The following NEK11 variants were observed in gnomAD, a reference collection of about 807,000 sequenced individuals.
NEK11 encodes the protein serine/threonine-protein kinase Nek11.
A neutral mutation model predicts 80.7 loss-of-function variants in NEK11; 72 were observed. The ratio of observed to expected loss-of-function variants is 0.89; its 90% confidence interval spans 0.74 to 1.08. The LOEUF is 1.08. Ranked by LOEUF, NEK11 falls within the 50% of genes least tolerant of loss-of-function variation. NEK11 has a pLI of 0.00. For missense variants in NEK11, 764 were observed against 763.6 expected (o/e 1.00, Z -0.01); for synonymous variants, 251 against 260.7 (o/e 0.96, Z 0.36).
intron 4 of NEK11, among the ~76,000 whole-genome samples, chr3:131,086,633 T>C (rs2076012476): frequency 1.3e-5 from 2 of 152,198 alleles, no homozygotes; most frequent in South Asian, 4.1e-4. Flanking sequence ...ATTAATTCCA[T>C]TTTACAGATG....
At chr3:131,335,724 G>C (rs1016452940) in intron 17 of NEK11, among the ~76,000 whole-genome samples, 2 of 152,176 alleles carry the variant, frequency 1.3e-5, no homozygotes, top group African/African-American at 4.8e-5. Context: ...AAACCCCACT[G>C]TCTCAGCCCA....
At chr3:131,042,054 A>G (rs553911531) in intron 3 of NEK11, among the ~76,000 whole-genome samples, 20 of 152,282 alleles carry the variant, frequency 1.3e-4, no homozygotes, top group Non-Finnish European at 2.5e-4. Context: ...TGCCATGAGG[A>G]ACAGTGCATT....
chr3:131,321,161 C>G (rs2096893513), intron 17 of NEK11, among the ~76,000 whole-genome samples: 1 of 152,078 alleles, frequency 6.6e-6, no homozygotes, highest in African/African-American at 2.4e-5. Context: ...GACACATAGA[C>G]CAATGGAACA....
At chr3:131,270,207 C>T (rs2096152769) in intron 16 of NEK11, among the ~76,000 whole-genome samples, 1 of 152,162 alleles carries the variant, frequency 6.6e-6, no homozygotes, top group Admixed American at 6.5e-5. Flanking sequence ...AATACAGACC[C>T]CCCAAAAAAC....
At chr3:131,247,731 C>T (rs551271265) in intron 16 of NEK11, among the ~76,000 whole-genome samples, 15 of 151,868 alleles carry the variant, frequency 9.9e-5, no homozygotes, top group East Asian at 1.9e-4. Flanking sequence ...CATCCATGAG[C>T]GTGGGATGTG....
At chr3:131,186,189 T>C (rs1226419496) in intron 14 of NEK11, among the ~76,000 whole-genome samples, 2 of 152,222 alleles carry the variant, frequency 1.3e-5, no homozygotes, top group African/African-American at 2.4e-5. Flanking sequence ...GGAAACCTTA[T>C]AATTTTAGCC....
At chr3:131,183,009 G>A (rs2093433893) in intron 14 of NEK11, among the ~76,000 whole-genome samples, 1 of 152,104 alleles carries the variant, frequency 6.6e-6, no homozygotes, top group African/African-American at 2.4e-5. Context: ...ATGAGCATAT[G>A]GTGTCTAGTC....
At chr3:131,044,500 C>G (rs1351727969) in intron 3 of NEK11, among the ~76,000 whole-genome samples, 1 of 141,088 alleles carries the variant, frequency 7.1e-6, no homozygotes, top group African/African-American at 2.6e-5. Context: ...AGACTTTAAA[C>G]CAACAAAGAT....
At chr3:131,274,632 C>CTTTTTTTTTTTTTTTT (rs756861338) in intron 17 of NEK11, among the ~76,000 whole-genome samples, 1 of 45,304 alleles carries the variant, frequency 2.2e-5, no homozygotes, top group Non-Finnish European at 4.0e-5. Flanking sequence ...TGTTTCCTGA[C>CTTTTTTTTTTTTTTTT]TTTTTTTTTT....
chr3:131,219,989 C>A (rs1259939795), intron 14 of NEK11, among the ~76,000 whole-genome samples: 1 of 152,214 alleles, frequency 6.6e-6, no homozygotes, highest in East Asian at 1.9e-4. Context: ...ATTTGATTGC[C>A]ATCTGACCCT....
chr3:131,036,098 C>T (rs567711003), intron 3 of NEK11, among the ~76,000 whole-genome samples: 31 of 152,194 alleles, frequency 2.0e-4, no homozygotes, highest in Admixed American at 3.9e-4. Flanking sequence ...AGTCTTTTAA[C>T]GAAACATGGC....
chr3:131,096,787 A>C (rs1018877325), intron 4 of NEK11, among the ~76,000 whole-genome samples: 5 of 151,880 alleles, frequency 3.3e-5, no homozygotes. Flanking sequence ...CACAATGTGC[A>C]GGTTAGTTAC....
intron 17 of NEK11, chr3:131,327,621 A>C (rs1291268105): frequency 6.6e-6 from 1 of 151,984 alleles, no homozygotes; most frequent in African/African-American, 2.4e-5. Context: ...TTATTTATAC[A>C]TATGTGGATC....
At chr3:131,041,205 A>G (rs550581106) in intron 3 of NEK11, among the ~76,000 whole-genome samples, 1 of 152,234 alleles carries the variant, frequency 6.6e-6, no homozygotes, top group Non-Finnish European at 1.5e-5. Context: ...TCTAATGAGT[A>G]GTTTCTATTA....
intron 14 of NEK11, among the ~76,000 whole-genome samples, chr3:131,185,019 T>C (rs1455640133): frequency 6.6e-6 from 1 of 152,138 alleles, no homozygotes; most frequent in Non-Finnish European, 1.5e-5. Context: ...CTACTGGGAA[T>C]TAAAGGGTTG....
chr3:131,186,545 A>G (rs1470309828), intron 14 of NEK11, among the ~76,000 whole-genome samples: 2 of 152,160 alleles, frequency 1.3e-5, no homozygotes, highest in Non-Finnish European at 2.9e-5. Flanking sequence ...TACCACTGTT[A>G]TATCCAGAAG....
chr3:131,157,942 G>C (rs973501797), intron 10 of NEK11, among the ~76,000 whole-genome samples: 7 of 152,160 alleles, frequency 4.6e-5, no homozygotes, highest in Admixed American at 1.3e-4. Flanking sequence ...GAAGTCCAGA[G>C]GGTTTGGTGC....
intron 3 of NEK11, among the ~76,000 whole-genome samples, chr3:131,059,426 A>G (rs1389301009): frequency 6.6e-6 from 1 of 152,194 alleles, no homozygotes; most frequent in East Asian, 1.9e-4. Context: ...AACTATTATG[A>G]CTTAATATTC....
intron 3 of NEK11, among the ~76,000 whole-genome samples, chr3:131,050,249 A>T (rs1447387933): frequency 6.6e-6 from 1 of 152,214 alleles, no homozygotes; most frequent in Non-Finnish European, 1.5e-5. Context: ...TGAATATCCA[A>T]CAGATCATCA....
Sources: allele counts gnomAD v4.1 joint callset (sites outside exome capture counted in the v4.1 genomes callset), GRCh38; gene constraint gnomAD v4.1.1; transcripts MANE v1.5; gene names NCBI Gene and HGNC (gene_info 2026-07-23, HGNC 2026-07-21).